Variants in MIPOL1 observed in about 807,000 individuals in gnomAD.
MIPOL1 encodes mirror-image polydactyly gene 1 protein.
In MIPOL1, 57 loss-of-function variants were observed where a neutral mutation model predicts 60.9. The ratio of observed to expected loss-of-function variants is 0.94; its 90% CI spans 0.76 to 1.17. The LOEUF is 1.17. Among genes scored for constraint, MIPOL1 ranks in the 50% most tolerant of loss-of-function variants. MIPOL1 has a pLI of 0.00. For missense variants in MIPOL1, 551 were observed against 511.6 expected (o/e 1.08, Z -0.74); for synonymous variants, 179 against 168.8 (o/e 1.06, Z -0.47).
intron 10 of MIPOL1, among the ~76,000 whole-genome samples, chr14:37,402,845 T>G (rs1277265258): frequency 1.3e-5 from 2 of 152,198 alleles, no homozygotes; most frequent in Non-Finnish European, 2.9e-5. Context: ...CAGGTTTCAC[T>G]TCTCCCTTCC....
intron 11 of MIPOL1, among the ~76,000 whole-genome samples, chr14:37,450,699 C>T (rs2094404822): frequency 6.6e-6 from 1 of 151,998 alleles, no homozygotes; most frequent in Non-Finnish European, 1.5e-5. Context: ...CGTTTTTCCC[C>T]TTGATGTCTC....
chr14:37,473,382 AC>A (rs2094718146), intron 11 of MIPOL1, among the ~76,000 whole-genome samples: 1 of 151,598 alleles, frequency 6.6e-6, no homozygotes, highest in South Asian at 2.1e-4. Context: ...CTTTAAAACG[AC>A]CCCGCCTCAG....
intron 10 of MIPOL1, among the ~76,000 whole-genome samples, chr14:37,411,910 T>G (rs2093687038): frequency 6.6e-6 from 1 of 152,148 alleles, no homozygotes; most frequent in South Asian, 2.1e-4. Context: ...CAATTGTGCC[T>G]CTTATATAGC....
intron 10 of MIPOL1, among the ~76,000 whole-genome samples, chr14:37,394,470 G>A (rs2093333376): frequency 6.6e-6 from 1 of 151,922 alleles, no homozygotes; most frequent in African/African-American, 2.4e-5. Context: ...CAGGAGTCAG[G>A]TGGTATTGCA....
At chr14:37,464,474 CAG>C (rs1266450458) in intron 11 of MIPOL1, among the ~76,000 whole-genome samples, 2 of 152,106 alleles carry the variant, frequency 1.3e-5, no homozygotes, top group African/African-American at 2.4e-5. Context: ...AGAAATAACT[CAG>C]AAACAGAAAA....
chr14:37,491,919 C>T (rs937194002), intron 11 of MIPOL1, among the ~76,000 whole-genome samples: 28 of 152,192 alleles, frequency 1.8e-4, no homozygotes, highest in Admixed American at 1.6e-3. Flanking sequence ...ATATTTCCCT[C>T]TCTCTGTATG....
At chr14:37,273,147 AT>A (rs1439444381) in intron 6 of MIPOL1, among the ~76,000 whole-genome samples, 1 of 151,188 alleles carries the variant, frequency 6.6e-6, no homozygotes, top group African/African-American at 2.4e-5. Context: ...ATATTTGAGG[AT>A]ATGAGAAAAA....
intron 12 of MIPOL1, among the ~76,000 whole-genome samples, chr14:37,525,784 C>T (rs945177563): frequency 2.0e-5 from 3 of 152,144 alleles, no homozygotes; most frequent in Admixed American, 2.0e-4. Flanking sequence ...GCTTTCTGAA[C>T]TTTGAAATTG....
intron 10 of MIPOL1, among the ~76,000 whole-genome samples, chr14:37,373,777 G>T (rs2092703963): frequency 1.3e-5 from 2 of 152,086 alleles, no homozygotes; most frequent in Admixed American, 6.5e-5. Flanking sequence ...TCTTTATCCA[G>T]TCTATCATTG....
intron 3 of MIPOL1, among the ~76,000 whole-genome samples, chr14:37,265,602 A>G (rs2082819693): frequency 6.6e-6 from 1 of 152,164 alleles, no homozygotes; most frequent in Non-Finnish European, 1.5e-5. Context: ...AAGCCTTCAG[A>G]GGATTTAACA....
At chr14:37,530,972 C>T (rs1023293495) in intron 12 of MIPOL1, among the ~76,000 whole-genome samples, 7 of 151,994 alleles carry the variant, frequency 4.6e-5, no homozygotes, top group Non-Finnish European at 7.4e-5. Flanking sequence ...TGCCCGCCCC[C>T]ACGCCTGGCT....
At chr14:37,515,253 T>C (rs1441187116) in intron 12 of MIPOL1, among the ~76,000 whole-genome samples, 1 of 150,078 alleles carries the variant, frequency 6.7e-6, no homozygotes, top group African/African-American at 2.5e-5. Flanking sequence ...CTTGAACAAC[T>C]CAACAGAGGC....
At chr14:37,472,084 A>G (rs550915619) in intron 11 of MIPOL1, among the ~76,000 whole-genome samples, 10 of 152,290 alleles carry the variant, frequency 6.6e-5, no homozygotes, top group Non-Finnish European at 1.3e-4. Flanking sequence ...TCAAGTAGCT[A>G]TTTAGAAACA....
intron 9 of MIPOL1, among the ~76,000 whole-genome samples, chr14:37,337,249 A>G (rs1048584917): frequency 1.5e-4 from 20 of 137,324 alleles, no homozygotes; most frequent in African/African-American, 5.4e-4. Context: ...CACTCTCCTC[A>G]CTGTGATCTT....
rs1040400530 is a variant in MIPOL1 at position 37,443,772 on chromosome 14, A to C, written c.1031+20823A>C. Among the ~76,000 whole-genome samples the C allele has an allele frequency of 6.7e-4, 102 of 151,122 alleles. 1 individual carries two copies. Among genetic ancestry groups the C allele is most frequent in the Non-Finnish European group, 1.9e-4 (13 of 67,878 alleles). On this transcript the variant is annotated intron_variant, in intron 11 of 12. Transcript: ENST00000684589. ...CTCAAAAAAAAAAAAAAAAACCTCT[A>C]CAAAAACTAGCAAACCAAATCCAAC...
intron 11 of MIPOL1, among the ~76,000 whole-genome samples, chr14:37,490,646 G>A (rs2095034735): frequency 6.6e-6 from 1 of 152,174 alleles, no homozygotes; most frequent in Non-Finnish European, 1.5e-5. Context: ...CAGTATCTGG[G>A]CCAGAATGCA....
intron 7 of MIPOL1, among the ~76,000 whole-genome samples, chr14:37,296,705 A>G (rs2085735736): frequency 6.6e-6 from 1 of 152,242 alleles, no homozygotes; most frequent in Admixed American, 6.5e-5. Context: ...GAAAATCTAG[A>G]AGAAATGGAT....
At chr14:37,226,306 A>T (rs1321338314) in intron 1 of MIPOL1, among the ~76,000 whole-genome samples, 1 of 152,200 alleles carries the variant, frequency 6.6e-6, no homozygotes, top group Admixed American at 6.5e-5. Flanking sequence ...ATAAAGGCAC[A>T]CCCAAGACTG....
chr14:37,231,857 C>T (rs1594621376), intron 1 of MIPOL1, among the ~76,000 whole-genome samples: 1 of 151,854 alleles, frequency 6.6e-6, no homozygotes, highest in South Asian at 2.1e-4. Context: ...AGGTGGGAGC[C>T]TCGTTTGAGG....
Sources: allele counts gnomAD v4.1 joint callset (sites outside exome capture counted in the v4.1 genomes callset), GRCh38; gene constraint gnomAD v4.1.1; transcripts MANE v1.5; gene names NCBI Gene and HGNC (gene_info 2026-07-23, HGNC 2026-07-21).